SLFN5: variants seen among roughly 807,000 people sequenced by gnomAD.
SLFN5 encodes schlafen family member 5.
A neutral mutation model predicts 48.5 loss-of-function variants in SLFN5; 34 were observed. The ratio of observed to expected loss-of-function variants is 0.70; its 90% CI spans 0.53 to 0.93. SLFN5 has a LOEUF of 0.93. Ranked by LOEUF, SLFN5 falls within the 40% of genes least tolerant of loss-of-function variation. The pLI, the probability that SLFN5 is intolerant of heterozygous loss-of-function variation, is 0.00. For synonymous variants in SLFN5, 387 were observed against 396.2 expected (o/e 0.98, Z 0.28); for missense variants, 1,006 against 1,071.3 (o/e 0.94, Z 0.85).
intron 3 of SLFN5, among the ~76,000 whole-genome samples, chr17:35,263,805 C>T (rs1904589643): frequency 4.5e-5 from 4 of 88,572 alleles, no homozygotes; most frequent in Admixed American, 3.7e-4. Context: ...GAGCAAGACT[C>T]CATCTCAAAA....
chr17:35,243,632 T>G (rs1189385250), intron 1 of SLFN5, among the ~76,000 whole-genome samples: 1 of 152,176 alleles, frequency 6.6e-6, no homozygotes, highest in East Asian at 1.9e-4. Flanking sequence ...CTTCAAACTG[T>G]AACAACAGGG....
Position 35,264,562 on chromosome 17 carries a change from T to G in SLFN5, c.1518T>G (p.Val506=). The change falls in exon 4 of 5, where the codon GTT becomes GTG. Residue 506 remains valine, a synonymous_variant. Transcript: ENST00000299977. ...ATTCTGATAGAAAAGCACAGAGCGT[T>G]TACAGTTCGTATTTACAAATTTACC... ...VLNSDRKAQS[V]YSSYLQIYPE... is the part of the protein sequence containing the mutation. 1.2e-6 allele frequency: 2 copies of G among 1,614,200 alleles called. No homozygotes were observed. Among genetic ancestry groups the G allele is most frequent in the Non-Finnish European group, 8.5e-7 (1 of 1,180,038 alleles).
intron 1 of SLFN5, among the ~76,000 whole-genome samples, chr17:35,244,140 G>C (rs1173854501): frequency 1.3e-5 from 2 of 152,126 alleles, no homozygotes; most frequent in Non-Finnish European, 2.9e-5. Flanking sequence ...GCTTGACAAA[G>C]AAACGGTGCA....
chr17:35,250,601 A>G (rs539068332), intron 1 of SLFN5, among the ~76,000 whole-genome samples: 43 of 151,006 alleles, frequency 2.8e-4, no homozygotes, highest in South Asian at 2.7e-3. Flanking sequence ...CGGAGCTTGC[A>G]GTGAGCCGAG....
Position 35,265,088 on chromosome 17 carries a change from A to G in SLFN5, c.1876A>G (p.Ile626Val). The change falls in exon 5 of 5, where the codon ATC (isoleucine) becomes GTC (valine). Residue 626 changes from isoleucine to valine, a missense_variant. Ile to Val is a conservative substitution (Grantham distance 29). Coordinates refer to ENST00000299977, the MANE Select transcript of SLFN5 (RefSeq NM_144975.4). ...KKLVSFSKKN[I>V]CQPVTRKTFM... Reference sequence around the variant, plus strand: ...TTCTTACAGTTTCAGCAAGAAAAACATCTGCCAGCCAGTGACCCGGAAAAC... The same window carrying G: ...TTCTTACAGTTTCAGCAAGAAAAACGTCTGCCAGCCAGTGACCCGGAAAAC... 6.2e-7 allele frequency: 1 copy of G among 1,609,782 alleles called. No homozygotes were observed.
intron 1 of SLFN5, among the ~76,000 whole-genome samples, chr17:35,247,359 T>G (rs1017696634): frequency 6.6e-6 from 1 of 152,220 alleles, no homozygotes; most frequent in African/African-American, 2.4e-5. Context: ...CTCGTTATAG[T>G]GAGCTCTGAA....
intron 1 of SLFN5, among the ~76,000 whole-genome samples, chr17:35,252,834 A>G (rs1305066431): frequency 6.6e-6 from 1 of 152,000 alleles, no homozygotes; most frequent in African/African-American, 2.4e-5. Context: ...CAGTAAGGAA[A>G]CCAATGGCCT....
chr17:35,264,184 A>G lies in SLFN5; in HGVS notation c.1140A>G (p.Val380=). Residue 380 remains valine, a splice_region_variant and synonymous_variant, in exon 4 of 5, where the codon GTA becomes GTG. Transcript: ENST00000299977. ...LKEQQKRYFP[V]FSDRVVYTPE... Reference sequence around the variant, plus strand: ...TCTTCCCATCCTTTCCCTGTCTAGTATTTTCAGACAGAGTGGTATATACTC... The same window carrying G: ...TCTTCCCATCCTTTCCCTGTCTAGTGTTTTCAGACAGAGTGGTATATACTC... 6.3e-7 allele frequency: 1 copy of G among 1,579,886 alleles called. No homozygotes were observed. The highest frequency in any genetic ancestry group is 1.4e-5 in the African/African-American group (1 of 73,440).
intron 1 of SLFN5, among the ~76,000 whole-genome samples, chr17:35,244,127 C>G (rs1295604171): frequency 6.6e-6 from 1 of 152,084 alleles, no homozygotes; most frequent in Non-Finnish European, 1.5e-5. Flanking sequence ...GCTATATCCT[C>G]CTGCTTGACA....
chr17:35,248,469 G>A (rs990224607), intron 1 of SLFN5, among the ~76,000 whole-genome samples: 11 of 152,106 alleles, frequency 7.2e-5, no homozygotes, highest in African/African-American at 2.2e-4. Flanking sequence ...AGATGCCTCC[G>A]TGTATCCAGC....
chr17:35,263,491 TCTC>T (rs768528909), intron 3 of SLFN5, among the ~76,000 whole-genome samples: 111 of 152,290 alleles, frequency 7.3e-4, no homozygotes, highest in Middle Eastern at 3.4e-3. Flanking sequence ...ATGTCTCTAT[TCTC>T]CTCTTCAACT....
rs2142701163 is a variant in SLFN5, at chr17:35,261,041, G to A, written c.1083G>A (p.Val361=). ...CTGCCACGCCCCGCAGCAAGCCTGT[G>A]TGCATTCATAAGAATTCGGAATGTC... ...LSSATPRSKP[V]CIHKNSECLK... The change falls in exon 3 of 5, where the codon GTG becomes GTA. Residue 361 remains valine (V), a synonymous_variant. Transcript: ENST00000299977. 3 of 1,614,018 alleles carry A rather than the reference G, an allele frequency of 1.9e-6. No homozygotes were observed. The highest frequency in any genetic ancestry group is 1.3e-5 in the African/African-American group (1 of 75,038).
chr17:35,258,542 T>C, intron 1 of SLFN5, 109 bp from the exon 2 acceptor site: 1 of 823,622 alleles, frequency 1.2e-6, no homozygotes, highest in Non-Finnish European at 1.8e-6. Flanking sequence ...TCAAATCATA[T>C]CAGGAATAAA....
rs539017650 is a variant in SLFN5 at position 35,271,314 on chromosome 17, C to T, written c.*5426C>T. On this transcript the variant is annotated 3_prime_UTR_variant, in exon 5 of 5. Transcript: ENST00000299977. The stretch of plus-strand genomic sequence containing the variant: ...GCTATTAGCAAGAGTATATGAATAA[C>T]GTACTATAACAAGAAAAAATGAATT... The T allele has an allele frequency of 2.0e-4, 30 of 151,906 alleles. No individual in the cohort carries two copies. The highest frequency in any genetic ancestry group is 4.0e-4 in the Non-Finnish European group (27 of 68,008). 9.4% of individuals were successfully genotyped at this position (151,906 alleles called of 1,614,324 possible). A position where few individuals can be genotyped will look rare whatever the true frequency, so the allele number is the denominator to read the frequency against.
chr17:35,258,941 G>T lies in SLFN5; in HGVS notation c.251G>T (p.Ser84Ile). The T allele has an allele frequency of 6.2e-7, 1 of 1,614,202 alleles. No homozygotes were observed. The stretch of plus-strand genomic sequence containing the variant: ...TTGGATGTGCCTCCAATTTTCAGAA[G>T]CCATTTAGATAAGATGCAGAAGGAA... ...VGLDVPPIFR[S>I]HLDKMQKENH... The change falls in exon 2 of 5, where the codon AGC (serine) becomes ATC (isoleucine). Residue 84 changes from serine (S) to isoleucine (I), a missense_variant. Physicochemically the swap from Ser to Ile is moderately radical, Grantham distance 142. Transcript: ENST00000299977.
chr17:35,258,315 A>T (rs952802864), intron 1 of SLFN5, among the ~76,000 whole-genome samples: 2 of 152,300 alleles, frequency 1.3e-5, no homozygotes, highest in East Asian at 3.9e-4. Flanking sequence ...GGTGAAAGGC[A>T]CGTCTTACAT....
At position 35,273,309 on chromosome 17, in the gene SLFN5, G is replaced by A. The variant is rs1185923412; in HGVS notation, c.*7421G>A. ...AATTGGTAATAGTGTTTGACTCCAG[G>A]GAAGAACAGATGGGTGCCAGAGTGA... On this transcript the variant is annotated 3_prime_UTR_variant, in exon 5 of 5. Coordinates refer to ENST00000299977, the MANE Select transcript of SLFN5 (RefSeq NM_144975.4). 1 of 152,182 alleles carries A rather than the reference G, an allele frequency of 6.6e-6. No individual in the cohort carries two copies. The highest frequency in any genetic ancestry group is 1.5e-5 in the Non-Finnish European group (1 of 68,038). 9.4% of individuals were successfully genotyped at this position (152,182 alleles called of 1,614,324 possible).
rs770471155 is a variant in SLFN5, at chr17:35,265,544, C to T, written c.2332C>T (p.Arg778Cys). 3 of 1,614,088 alleles carry T rather than the reference C, an allele frequency of 1.9e-6. No individual in the cohort carries two copies. The highest frequency in any genetic ancestry group is 1.3e-5 in the African/African-American group (1 of 74,930). ...ACTGATCTATGTAGCGAATAAATGC[C>T]GTTTTCTCTTGCGGAATGGTTATTC... ...EILIYVANKC[R>C]FLLRNGYSPK... Residue 778 changes from arginine (R) to cysteine (C), a missense_variant, in exon 5 of 5, where the codon CGT becomes TGT. Transcript: ENST00000299977.
chr17:35,258,580 C>T, intron 1 of SLFN5, 71 bp from the exon 2 acceptor site: 1 of 1,356,184 alleles, frequency 7.4e-7, no homozygotes, highest in South Asian at 1.4e-5. Flanking sequence ...GTAGGATGGC[C>T]TTAATCTGTT....
Sources: gnomAD v4.1 joint callset for allele counts (sites outside exome capture counted in the v4.1 genomes callset) on GRCh38, gnomAD v4.1.1 for gene constraint, MANE v1.5 for transcripts, NCBI Gene and HGNC (gene_info 2026-07-23, HGNC 2026-07-21) for gene names.